Variants in MAMDC4 observed in about 807,000 individuals in gnomAD.
MAMDC4 encodes the protein MAM domain containing 4, also known as apical endosomal glycoprotein.
In MAMDC4, 168 loss-of-function variants were observed where a neutral mutation model predicts 153.3. The ratio of observed to expected loss-of-function variants is 1.10; its 90% CI spans 0.97 to 1.25. The LOEUF is 1.25. Ranked by LOEUF, MAMDC4 falls within the 50% of genes most tolerant of loss-of-function variation. MAMDC4 has a pLI of 0.00. For synonymous variants in MAMDC4, 744 were observed against 651.5 expected (o/e 1.14, Z -2.16); for missense variants, 1,701 against 1,542.8 (o/e 1.10, Z -1.72).
rs1848973105 is a variant in MAMDC4 at position 136,854,417 on chromosome 9, G to A, written c.796+81G>A. Reference sequence around the variant, plus strand: ...GGCCCTGGCACTCATCCAGGAGGGGGTGCCTTGGATCCTTGGATGGTCCTT... The same window carrying A: ...GGCCCTGGCACTCATCCAGGAGGGGATGCCTTGGATCCTTGGATGGTCCTT... On this transcript the variant is annotated intron_variant, in intron 7 of 26. Transcript: ENST00000317446. The A allele has an allele frequency of 3.3e-6, 5 of 1,494,940 alleles. No individual in the cohort carries two copies. In the South Asian group the frequency reaches 3.9e-5, roughly 12 times the overall value. The allele number at this position is 1,494,940 out of a possible 1,614,324, so 92.6% of individuals were successfully genotyped here.
rs138147005 is a variant in MAMDC4 at position 136,854,337 on chromosome 9, G to A, written c.796+1G>A. The A allele has an allele frequency of 8.3e-4, 1,291 of 1,558,232 alleles. 2 individuals are homozygous for A. The highest frequency in any genetic ancestry group is 1.1e-3 in the Non-Finnish European group (1,240 of 1,152,186). On this transcript the variant is annotated splice_donor_variant, in intron 7 of 26. Transcript: ENST00000317446. LOFTEE classifies it high-confidence loss of function. ...TCTGATGAGAACCCACTCACCTGTGGTGAGGCCGGAGTGGGGGCCCAGAGT... is the reference window on the plus strand; with the variant it reads ...TCTGATGAGAACCCACTCACCTGTGATGAGGCCGGAGTGGGGGCCCAGAGT...
chr9:136,855,167 A>T (rs933988035), intron 10 of MAMDC4, 57 bp downstream of exon 10: 51 of 1,569,292 alleles, frequency 3.2e-5, no homozygotes, highest in Non-Finnish European at 4.2e-5. Flanking sequence ...AGGGGAGGGG[A>T]ACCCACAAGG....
chr9:136,856,618 A>T, intron 14 of MAMDC4, 92 bp from the exon 15 acceptor site: 1 of 1,243,006 alleles, frequency 8.0e-7, no homozygotes. Context: ...TGCTCCCCTT[A>T]CACTCCTCCA....
Position 136,854,276 on chromosome 9 carries a change from C to A in MAMDC4, c.736C>A (p.Gln246Lys). The A allele has an allele frequency of 6.2e-7, 1 of 1,609,292 alleles. No individual in the cohort carries two copies. Among genetic ancestry groups the A allele is most frequent in the Non-Finnish European group, 8.5e-7 (1 of 1,178,456 alleles). ...GAACAAGGTCTGCGTGGAGCCCCAG[C>A]AGCTGTGCGACGGGGAAGACAACTG... ...CQNKVCVEPQ[Q>K]LCDGEDNCGD... Residue 246 changes from glutamine to lysine, a missense_variant, in exon 7 of 27, where the codon CAG becomes AAG. Coordinates refer to ENST00000317446, the MANE Select transcript of MAMDC4 (RefSeq NM_206920.3).
In MAMDC4 at chr9:136,853,142, G is replaced by A; in HGVS notation, c.87G>A (p.Arg29=). 2.5e-6 allele frequency: 4 copies of A among 1,612,798 alleles called. No individual in the cohort carries two copies. The highest frequency in any genetic ancestry group is 3.4e-6 in the Non-Finnish European group (4 of 1,179,962). ...GGGCCTGGGTCCCCAACCACTGCAG[G>A]AGCCCTGGCCAGGCCGTGTGCAACT... is the stretch of plus-strand genomic sequence containing the variant. ...SGWAWVPNHC[R]SPGQAVCNFV... The change falls in exon 2 of 27, where the codon AGG becomes AGA. Residue 29 remains arginine (R), a synonymous_variant. Transcript: ENST00000317446.
chr9:136,854,346 G>T lies in MAMDC4; in HGVS notation c.796+10G>T. ...AACCCACTCACCTGTGGTGAGGCCGGAGTGGGGGCCCAGAGTGAGGCTGGG... is the reference window on the plus strand; with the variant it reads ...AACCCACTCACCTGTGGTGAGGCCGTAGTGGGGGCCCAGAGTGAGGCTGGG... On this transcript the variant is annotated intron_variant, in intron 7 of 26. Coordinates refer to ENST00000317446, the MANE Select transcript of MAMDC4 (RefSeq NM_206920.3). 6.5e-7 allele frequency: 1 copy of T among 1,541,556 alleles called. No individual in the cohort carries two copies. The highest frequency in any genetic ancestry group is 2.3e-5 in the East Asian group (1 of 43,062).
Position 136,853,314 on chromosome 9 carries a change from GC to G in MAMDC4, c.189del (p.Phe64SerfsTer79). The G allele has an allele frequency of 1.2e-6, 2 of 1,601,912 alleles. No homozygotes were observed. The highest frequency in any genetic ancestry group is 1.7e-6 in the Non-Finnish European group (2 of 1,172,198). On this transcript the variant is annotated frameshift_variant, in exon 3 of 27. Transcript: ENST00000317446. LOFTEE classifies it high-confidence loss of function. ...CCACGGGGCCTCGCCCACCCTGGGC[GC>G]CCCCTTCGCCTGTGACTTCGAGCAG... is the stretch of plus-strand genomic sequence containing the variant. ...GYHGASPTLG[A>X]PFACDFEQDP...
chr9:136,858,603 GCCCA>G, intron 22 of MAMDC4, 57 bp downstream of exon 22: 4 of 1,575,922 alleles, frequency 2.5e-6, no homozygotes, highest in Non-Finnish European at 3.4e-6. Flanking sequence ...GCCTCCTGCT[GCCCA>G]CCCACAGAGT....
chr9:136,853,098 G>A lies in MAMDC4; in HGVS notation c.47-4G>A. 1 of 1,611,886 alleles carries A rather than the reference G, an allele frequency of 6.2e-7. No individual in the cohort carries two copies. The highest frequency in any genetic ancestry group is 8.5e-7 in the Non-Finnish European group (1 of 1,179,534). ...AGGCCACCTGGCTGTCAACCTCCCAGCAGCAGGGTCCTCAGGCTGGGCCTG... is the reference window on the plus strand; with the variant it reads ...AGGCCACCTGGCTGTCAACCTCCCAACAGCAGGGTCCTCAGGCTGGGCCTG... On this transcript the variant is annotated splice_polypyrimidine_tract_variant and splice_region_variant and intron_variant, in intron 1 of 26. Transcript: ENST00000317446.
chr9:136,860,607 A>C lies in MAMDC4; in HGVS notation c.*4A>C, dbSNP rs1588396328. 1.9e-6 allele frequency: 3 copies of C among 1,613,036 alleles called. No homozygotes were observed. The African/African-American group carries it at 4.0e-5, about 22-fold the overall frequency. On this transcript the variant is annotated 3_prime_UTR_variant, in exon 27 of 27. Transcript: ENST00000317446. ...ATCTGTCACCAGTGATCCGTAGACCACCCCAGACAAGGCCCCGCTTCCTCA... is the reference window on the plus strand; with the variant it reads ...ATCTGTCACCAGTGATCCGTAGACCCCCCCAGACAAGGCCCCGCTTCCTCA...
chr9:136,853,019 G>C (rs915506270), intron 1 of MAMDC4, 83 bp from the exon 2 acceptor site: 3 of 1,190,280 alleles, frequency 2.5e-6, no homozygotes, highest in Non-Finnish European at 3.6e-6. Context: ...AAGATGTCCA[G>C]TGCTAAAACT....
intron 19 of MAMDC4, 51 bp from the exon 20 acceptor site, chr9:136,857,928 G>T: frequency 6.8e-7 from 1 of 1,471,060 alleles, no homozygotes; most frequent in Non-Finnish European, 9.0e-7. Context: ...TCAGACCAGG[G>T]CCTGCAGGTG....
intron 25 of MAMDC4, 146 bp downstream of exon 25, chr9:136,859,463 C>T: frequency 1.3e-6 from 1 of 751,576 alleles, no homozygotes; most frequent in South Asian, 1.9e-5. Flanking sequence ...GGCCCAGGCC[C>T]TGTGCCCTCC....
rs745690499 is a variant in MAMDC4, at chr9:136,858,089, G to C, written c.2575G>C (p.Ala859Pro). Residue 859 changes from alanine to proline, a missense_variant, in exon 20 of 27, where the codon GCC becomes CCC. Coordinates refer to ENST00000317446, the MANE Select transcript of MAMDC4 (RefSeq NM_206920.3). ...LGSMDVQAER[A>P]WRVVFEAVAA... ...CAGCATGGACGTGCAGGCCGAGCGA[G>C]CCTGGAGGGTGAGTGCAGGGTGGGG... 2.6e-6 allele frequency: 4 copies of C among 1,533,182 alleles called. No individual in the cohort carries two copies. The highest frequency in any genetic ancestry group is 3.5e-6 in the Non-Finnish European group (4 of 1,141,490). The allele number at this position is 1,533,182 out of a possible 1,614,324, so 95.0% of individuals were successfully genotyped here.
intron 1 of MAMDC4, 112 bp downstream of exon 1, chr9:136,852,574 G>A: frequency 2.9e-6 from 4 of 1,382,616 alleles, no homozygotes; most frequent in Non-Finnish European, 4.1e-6. Flanking sequence ...CCAAAGGGAA[G>A]GAGGGTTGCA....
Position 136,857,504 on chromosome 9 carries a change from A to G in MAMDC4, c.2244A>G (p.Gln748=). ...DSDCGFSPGG[Q]GLWRRQANAS... is the part of the protein sequence containing the mutation. ...ACTGCGGCTTCTCCCCTGGAGGCCA[A>G]GGTCTCTGGAGGCGGCAGGCCAATG... The change falls in exon 18 of 27, where the codon CAA becomes CAG. Residue 748 remains glutamine, a synonymous_variant. Transcript: ENST00000317446. The G allele has an allele frequency of 1.2e-6, 2 of 1,610,342 alleles. No homozygotes were observed. Among genetic ancestry groups the G allele is most frequent in the Non-Finnish European group, 1.7e-6 (2 of 1,179,950 alleles).
rs1311311388 is a variant in MAMDC4 at position 136,857,561 on chromosome 9, A to G, written c.2301A>G (p.Thr767=). The change falls in exon 18 of 27, where the codon ACA becomes ACG. Residue 767 remains threonine (T), a synonymous_variant. Coordinates refer to ENST00000317446, the MANE Select transcript of MAMDC4 (RefSeq NM_206920.3). The part of the protein sequence containing the change: ...ASGHAAWGPP[T]DHTTETAQGH... ...GCCATGCTGCCTGGGGCCCCCCAAC[A>G]GACCATACCACTGAGACAGCCCAAG... The G allele has an allele frequency of 6.2e-7, 1 of 1,612,300 alleles. No individual in the cohort carries two copies. The highest frequency in any genetic ancestry group is 1.1e-5 in the South Asian group (1 of 91,086).
At chr9:136,856,884 G>T in intron 15 of MAMDC4, 23 bp from the exon 16 acceptor site, 1 of 1,611,524 alleles carries the variant, frequency 6.2e-7, no homozygotes, top group South Asian at 1.1e-5. Context: ...CATCTCTGCA[G>T]CACAGCCCCA....
At position 136,856,820 on chromosome 9, in the gene MAMDC4, G is replaced by A. The variant is rs780144280; in HGVS notation, c.1831G>A (p.Gly611Ser). 10 of 1,612,136 alleles carry A rather than the reference G, an allele frequency of 6.2e-6. No homozygotes were observed. In the East Asian group the frequency reaches 1.6e-4, roughly 25 times the overall value. ...CGGCCCTGACCACGACCACACCACA[G>A]GCCAAGGTAGGATGGGCGCTCAGAC... ...SRGPDHDHTT[G>S]QGHFVLLDPT... is the part of the protein sequence containing the mutation. Residue 611 changes from glycine to serine, a missense_variant, in exon 15 of 27, where the codon GGC becomes AGC. Gly to Ser is a moderately conservative substitution (Grantham distance 56, BLOSUM62 0). Coordinates refer to ENST00000317446, the MANE Select transcript of MAMDC4 (RefSeq NM_206920.3).
Sources: gnomAD v4.1 joint callset for allele counts on GRCh38, gnomAD v4.1.1 for gene constraint, MANE v1.5 for transcripts, NCBI Gene and HGNC (gene_info 2026-07-23, HGNC 2026-07-21) for gene names.